Variants in BROX observed in about 807,000 individuals in gnomAD.
BROX encodes BRO1 domain and CAAX motif containing, also known as BRO1 domain-containing protein BROX.
Under a neutral mutation model 61.0 loss-of-function variants are expected in BROX, and 53 were observed. The observed-to-expected ratio is 0.87, with a 90% CI of 0.70 to 1.09. The LOEUF (loss-of-function observed/expected upper bound fraction) is 1.09, where lower values mean the gene tolerates loss of function less well. BROX is among the 50% of genes least tolerant of loss of function. The pLI, the probability that BROX is intolerant of heterozygous loss-of-function variation, is 0.00. For missense variants in BROX, 489 were observed against 472.0 expected, an observed-to-expected ratio of 1.04 and a Z score of -0.33; for synonymous variants, 152 against 160.2, an observed-to-expected ratio of 0.95 and a Z score of 0.38.
Position 222,731,477 on chromosome 1 carries a change from G to A in BROX, c.1110G>A (p.Leu370=). ...PTSVQWTPET[L]AAFDLTKRPK... ...GTGTTCAGTGGACACCAGAAACATT[G>A]GCTGCATTTGATCTCACCAAAAGAC... Residue 370 remains leucine, a synonymous_variant, in exon 12 of 13, where the codon TTG becomes TTA. Coordinates refer to ENST00000340934, the MANE Select transcript of BROX (RefSeq NM_144695.4). The A allele has an allele frequency of 6.2e-7, 1 of 1,601,678 alleles. No individual in the cohort carries two copies. The highest frequency in any genetic ancestry group is 8.5e-7 in the Non-Finnish European group (1 of 1,176,594).
At chr1:222,714,186 G>C (rs1656341802) in intron 1 of BROX, among the ~76,000 whole-genome samples, 1 of 151,160 alleles carries the variant, frequency 6.6e-6, no homozygotes, top group Admixed American at 6.6e-5. Flanking sequence ...ACCTACCCAA[G>C]GACATTTAGA....
At chr1:222,713,677 C>G (rs1656270233) in intron 1 of BROX, 1 of 153,140 alleles carries the variant, frequency 6.5e-6, no homozygotes, top group Non-Finnish European at 1.4e-5. Flanking sequence ...AGTAAAGATT[C>G]GCAAAACTTC....
chr1:222,726,100 C>T (rs1429808083), intron 7 of BROX, among the ~76,000 whole-genome samples: 1 of 152,178 alleles, frequency 6.6e-6, no homozygotes, highest in Non-Finnish European at 1.5e-5. Flanking sequence ...GATAGTACAA[C>T]ATTAATTCTT....
chr1:222,732,502 G>C (rs1658016886), intron 12 of BROX, 126 bp from the exon 13 acceptor site: 3 of 631,390 alleles, frequency 4.8e-6, no homozygotes, highest in East Asian at 3.0e-5. Flanking sequence ...TCTGGAAATA[G>C]CTTTGTCAGT....
At chr1:222,727,096 G>A in intron 7 of BROX, 72 bp from the exon 8 acceptor site, 1 of 1,035,052 alleles carries the variant, frequency 9.7e-7, no homozygotes, top group East Asian at 2.4e-5. Flanking sequence ...ACTGTCTTTT[G>A]CTATTATAAT....
At chr1:222,728,922 A>G in intron 9 of BROX, 94 bp downstream of exon 9, 1 of 829,160 alleles carries the variant, frequency 1.2e-6, no homozygotes, top group Admixed American at 2.4e-5. Flanking sequence ...TTTCATTAGC[A>G]TTTTACAAAT....
Position 222,731,398 on chromosome 1 carries a change from T to G in BROX, c.1031T>G (p.Leu344Arg), listed in dbSNP as rs1468494499. ...KIPTEAPQLE[L>R]KANYGLVEPI... ...CCAACAGAAGCCCCACAGCTGGAACTCAAAGCAAATTATGGTCTCGTAGAG... is the reference window on the plus strand; with the variant it reads ...CCAACAGAAGCCCCACAGCTGGAACGCAAAGCAAATTATGGTCTCGTAGAG... Residue 344 changes from leucine to arginine, a missense_variant, in exon 12 of 13, where the codon CTC becomes CGC. By Grantham distance (102) the Leu-to-Arg change is moderately radical. Coordinates refer to ENST00000340934, the MANE Select transcript of BROX (RefSeq NM_144695.4). 9 of 1,578,014 alleles carry G rather than the reference T, an allele frequency of 5.7e-6. No individual in the cohort carries two copies. In the Admixed American group the frequency reaches 1.7e-4, roughly 30 times the overall value.
At chr1:222,713,607 A>AC (rs374044078) in intron 1 of BROX, 2 of 230,478 alleles carry the variant, frequency 8.7e-6, no homozygotes, top group African/African-American at 4.7e-5. Context: ...AAAACTGAAG[A>AC]CCGCCGGGTC....
chr1:222,718,906 T>C lies in BROX; in HGVS notation c.102-19T>C. 1 of 1,602,680 alleles carries C rather than the reference T, an allele frequency of 6.2e-7. No homozygotes were observed. The highest frequency in any genetic ancestry group is 2.2e-5 in the East Asian group (1 of 44,792). On this transcript the variant is annotated intron_variant, in intron 2 of 12. Coordinates refer to ENST00000340934, the MANE Select transcript of BROX (RefSeq NM_144695.4). Reference sequence around the variant, plus strand: ...TTGCAGTACAGCTAACTTTACTGTCTTTTTGTATCTCTTATAAGTGACTTG... The same window carrying C: ...TTGCAGTACAGCTAACTTTACTGTCCTTTTGTATCTCTTATAAGTGACTTG...
chr1:222,717,879 T>C (rs1656754305), intron 2 of BROX: 1 of 152,244 alleles, frequency 6.6e-6, no homozygotes, highest in South Asian at 2.1e-4. Context: ...ATTCTGGATA[T>C]ACAGCCTCTA....
chr1:222,719,053 G>T, intron 3 of BROX, 22 bp downstream of exon 3: 1 of 1,576,530 alleles, frequency 6.3e-7, no homozygotes, highest in South Asian at 1.1e-5. Context: ...ATATGAACTT[G>T]AGGTTTTTTA....
At chr1:222,728,296 G>A (rs1299914872) in intron 8 of BROX, among the ~76,000 whole-genome samples, 2 of 152,104 alleles carry the variant, frequency 1.3e-5, no homozygotes, top group African/African-American at 2.4e-5. Context: ...AGAGATGTTT[G>A]GTAGAAGGAT....
intron 8 of BROX, among the ~76,000 whole-genome samples, chr1:222,727,934 A>G (rs1657628333): frequency 6.6e-6 from 1 of 152,164 alleles, no homozygotes; most frequent in African/African-American, 2.4e-5. Flanking sequence ...ATTCTATAGT[A>G]AGTACAGACA....
chr1:222,731,936 C>T (rs1206915257), intron 12 of BROX, among the ~76,000 whole-genome samples: 1 of 152,132 alleles, frequency 6.6e-6, no homozygotes, highest in Non-Finnish European at 1.5e-5. Flanking sequence ...TTATTGGTAT[C>T]TAAGTACATC....
At chr1:222,724,581 A>G (rs1657360549) in intron 6 of BROX, among the ~76,000 whole-genome samples, 1 of 152,222 alleles carries the variant, frequency 6.6e-6, no homozygotes, top group Non-Finnish European at 1.5e-5. Context: ...AGTGACAATC[A>G]GTGCACTCTA....
intron 1 of BROX, chr1:222,713,304 G>T: frequency 7.1e-6 from 7 of 985,922 alleles, no homozygotes; most frequent in Non-Finnish European, 8.4e-6. Context: ...GAACTCAAGT[G>T]TTGGCGCGTG....
chr1:222,721,222 AAAT>A (rs754604338), intron 4 of BROX, among the ~76,000 whole-genome samples: 3 of 152,226 alleles, frequency 2.0e-5, no homozygotes, highest in Non-Finnish European at 4.4e-5. Flanking sequence ...TCAGTGCAGA[AAAT>A]AATAAGCTAT....
intron 3 of BROX, 89 bp downstream of exon 3, chr1:222,719,120 A>C: frequency 7.8e-7 from 1 of 1,281,044 alleles, no homozygotes; most frequent in Non-Finnish European, 1.1e-6. Flanking sequence ...TGATTAGTTT[A>C]CTCTTCCAGA....
intron 12 of BROX, 106 bp from the exon 13 acceptor site, chr1:222,732,522 A>G (rs1389998193): frequency 1.4e-6 from 1 of 703,624 alleles, no homozygotes; most frequent in East Asian, 2.9e-5. Flanking sequence ...TATCCATGTT[A>G]TGTAATTTAA....
Sources: gnomAD v4.1 joint callset for allele counts (sites outside exome capture counted in the v4.1 genomes callset) on GRCh38, gnomAD v4.1.1 for gene constraint, MANE v1.5 for transcripts, NCBI Gene and HGNC (gene_info 2026-07-23, HGNC 2026-07-21) for gene names.